Variants in ADGRB3 observed in about 807,000 individuals in gnomAD.
The protein encoded by ADGRB3 is brain-specific angiogenesis inhibitor 3.
In ADGRB3, 37 loss-of-function variants were observed where a neutral mutation model predicts 193.4. The ratio of observed to expected loss-of-function variants is 0.19; its 90% CI spans 0.15 to 0.25. ADGRB3 has a LOEUF of 0.25. Ranked by LOEUF, ADGRB3 falls within the 10% of genes least tolerant of loss-of-function variation. ADGRB3 has a pLI of 1.00. For synonymous variants in ADGRB3, 690 were observed against 644.2 expected (o/e 1.07, Z -1.08); for missense variants, 1,637 against 1,852.9 (o/e 0.88, Z 2.14).
intron 5 of ADGRB3, among the ~76,000 whole-genome samples, chr6:68,936,895 G>A (rs1486793352): frequency 6.6e-6 from 1 of 152,156 alleles, no homozygotes; most frequent in African/African-American, 2.4e-5. Context: ...TTTCTTCACT[G>A]CAAATATCAG....
intron 17 of ADGRB3, among the ~76,000 whole-genome samples, chr6:69,196,032 CCACT>C (rs1765287895): frequency 6.6e-6 from 1 of 152,114 alleles, no homozygotes; most frequent in African/African-American, 2.4e-5. Flanking sequence ...CCACTGACTT[CCACT>C]CACCTGTTTT....
chr6:68,646,011 T>C (rs1462215079), intron 3 of ADGRB3, among the ~76,000 whole-genome samples: 3 of 152,108 alleles, frequency 2.0e-5, no homozygotes, highest in Non-Finnish European at 4.4e-5. Flanking sequence ...CCTTCTTCAG[T>C]TTCTGGTAGA....
intron 17 of ADGRB3, among the ~76,000 whole-genome samples, chr6:69,178,379 G>T (rs1007456565): frequency 1.3e-5 from 2 of 151,950 alleles, no homozygotes; most frequent in African/African-American, 4.8e-5. Flanking sequence ...ATGGTTCTTG[G>T]TTTTTTTGTT....
chr6:69,004,260 G>A (rs1326834423), intron 11 of ADGRB3, among the ~76,000 whole-genome samples: 2 of 152,132 alleles, frequency 1.3e-5, no homozygotes, highest in Admixed American at 6.5e-5. Context: ...CTCCAAGATC[G>A]AGGTCACGAC....
At chr6:68,851,370 T>G (rs1047953470) in intron 3 of ADGRB3, among the ~76,000 whole-genome samples, 1 of 152,048 alleles carries the variant, frequency 6.6e-6, no homozygotes, top group Admixed American at 6.6e-5. Flanking sequence ...CATGACAATT[T>G]TTGCTCATTT....
intron 29 of ADGRB3, among the ~76,000 whole-genome samples, chr6:69,365,014 T>G (rs1769538616): frequency 6.6e-6 from 1 of 152,096 alleles, no homozygotes; most frequent in Admixed American, 6.6e-5. Flanking sequence ...CAGGTCAGTG[T>G]TTGTTCTGAA....
chr6:68,891,169 T>A (rs1212407187), intron 3 of ADGRB3, among the ~76,000 whole-genome samples: 1 of 152,082 alleles, frequency 6.6e-6, no homozygotes, highest in Non-Finnish European at 1.5e-5. Flanking sequence ...AATTATCAGA[T>A]CTTGTGAGAC....
chr6:68,950,084 C>T, intron 6 of ADGRB3, among the ~76,000 whole-genome samples: 1 of 152,024 alleles, frequency 6.6e-6, no homozygotes, highest in Non-Finnish European at 1.5e-5. Context: ...GAGACAGGGT[C>T]TTGCTCTGTT....
intron 3 of ADGRB3, among the ~76,000 whole-genome samples, chr6:68,863,476 TAATA>T (rs1471085515): frequency 6.6e-6 from 1 of 152,066 alleles, no homozygotes; most frequent in Non-Finnish European, 1.5e-5. Context: ...AGTATGATTT[TAATA>T]AATAATTTAT....
chr6:68,748,144 G>A (rs1766122287), intron 3 of ADGRB3, among the ~76,000 whole-genome samples: 1 of 151,946 alleles, frequency 6.6e-6, no homozygotes, highest in Non-Finnish European at 1.5e-5. Context: ...GATTTGGGTG[G>A]GGACACAGCC....
In ADGRB3 at chr6:68,693,078, G is replaced by A. The variant is rs1362504103; in HGVS notation, c.757+53646G>A. Among the ~76,000 whole-genome samples, 3 of 151,752 alleles carry A rather than the reference G, an allele frequency of 2.0e-5. No homozygotes were observed. The East Asian group carries it at 5.8e-4, about 29-fold the overall frequency. On this transcript the variant is annotated intron_variant, in intron 3 of 31. Transcript: ENST00000370598. ...TTGTCTTGCAATTTAGAACACTTTG[G>A]AACTGAATGTTTTTTATGTGGTTGG...
chr6:69,000,835 T>C (rs1769554626), intron 11 of ADGRB3, among the ~76,000 whole-genome samples: 1 of 152,210 alleles, frequency 6.6e-6, no homozygotes, highest in Non-Finnish European at 1.5e-5. Flanking sequence ...GATTCAGAAA[T>C]ATAAAATCTG....
chr6:68,941,460 TTAAC>T (rs1242133819), intron 5 of ADGRB3, among the ~76,000 whole-genome samples: 17 of 152,256 alleles, frequency 1.1e-4, no homozygotes, highest in South Asian at 2.1e-4. Context: ...GTTTCATAAT[TTAAC>T]TAAGCCATCA....
chr6:68,907,950 A>C (rs1199098639), intron 3 of ADGRB3, among the ~76,000 whole-genome samples: 1 of 151,840 alleles, frequency 6.6e-6, no homozygotes, highest in Non-Finnish European at 1.5e-5. Flanking sequence ...TTTTGTCCTC[A>C]TTTGTATATA....
At chr6:69,115,085 CCA>C (rs1773491308) in intron 17 of ADGRB3, among the ~76,000 whole-genome samples, 1 of 152,104 alleles carries the variant, frequency 6.6e-6, no homozygotes, top group African/African-American at 2.4e-5. Context: ...CCCAGCAATC[CCA>C]TTACTGGGTA....
chr6:68,812,208 A>AT (rs1167899342), intron 3 of ADGRB3, among the ~76,000 whole-genome samples: 2 of 152,206 alleles, frequency 1.3e-5, no homozygotes, highest in Non-Finnish European at 2.9e-5. Flanking sequence ...GGTGTGACCC[A>AT]TTTATAAAGA....
intron 17 of ADGRB3, among the ~76,000 whole-genome samples, chr6:69,215,609 G>T (rs544962662): frequency 6.6e-6 from 1 of 151,710 alleles, no homozygotes; most frequent in Non-Finnish European, 1.5e-5. Flanking sequence ...CTTGAATAAA[G>T]AATTATAAGA....
At chr6:68,709,163 T>C (rs1345680819) in intron 3 of ADGRB3, among the ~76,000 whole-genome samples, 1 of 152,198 alleles carries the variant, frequency 6.6e-6, no homozygotes, top group Non-Finnish European at 1.5e-5. Context: ...AAATGAGATG[T>C]TATTGCAATA....
intron 3 of ADGRB3, among the ~76,000 whole-genome samples, chr6:68,788,496 T>G (rs1767024861): frequency 6.6e-6 from 1 of 152,232 alleles, no homozygotes; most frequent in Non-Finnish European, 1.5e-5. Context: ...GAGTTCTAGT[T>G]TGATTGCACT....
Sources: gnomAD v4.1 joint callset for allele counts (sites outside exome capture counted in the v4.1 genomes callset) on GRCh38, gnomAD v4.1.1 for gene constraint, MANE v1.5 for transcripts, NCBI Gene and HGNC (gene_info 2026-07-23, HGNC 2026-07-21) for gene names.